AGAP3: variants seen among roughly 807,000 people sequenced by gnomAD.
AGAP3 encodes the protein arf-GAP with GTPase, ANK repeat and PH domain-containing protein 3.
In AGAP3, 24 loss-of-function variants were observed where a neutral mutation model predicts 96.9. The ratio of observed to expected loss-of-function variants is 0.25; its 90% CI spans 0.18 to 0.35. AGAP3 has a LOEUF of 0.35. AGAP3 is among the 10% of genes least tolerant of loss of function. AGAP3 has a pLI of 1.00. For synonymous variants in AGAP3, 563 were observed against 536.1 expected (o/e 1.05, Z -0.69); for missense variants, 876 against 1,254.2 (o/e 0.70, Z 4.55).
rs201520383 is a variant in AGAP3 at position 151,142,243 on chromosome 7, C to T, written c.2040C>T (p.Cys680=). 5.7e-4 allele frequency: 914 copies of T among 1,612,946 alleles called. No homozygotes were observed. The highest frequency in any genetic ancestry group is 6.9e-4 in the Non-Finnish European group (820 of 1,179,908). Residue 680 remains cysteine, a synonymous_variant, in exon 15 of 18, where the codon TGC becomes TGT. Transcript: ENST00000397238. This position sits in a 1 kb window ranked among gnomAD's most constrained non-coding sequence, Gnocchi z 7.5. ...TVRGNSFCID[C]DAPNPDWASL... The stretch of plus-strand genomic sequence containing the variant: ...GCGGCAACAGCTTTTGTATCGACTG[C>T]GATGCACCCAGTGAGTGCAAGGCTG...
intron 1 of AGAP3, among the ~76,000 whole-genome samples, chr7:151,089,057 C>CCCTGCTGCCCTGCTGT (rs1798273984): frequency 6.6e-6 from 1 of 152,104 alleles, no homozygotes; most frequent in African/African-American, 2.4e-5. Context: ...TGCCCTGCTG[C>CCCTGCTGCCCTGCTGT]CCTGCTGTCC....
chr7:151,135,529 A>G (rs535892878), intron 11 of AGAP3, among the ~76,000 whole-genome samples: 12 of 152,308 alleles, frequency 7.9e-5, no homozygotes, highest in Admixed American at 7.8e-4. Context: ...GAATTGTCCC[A>G]CTCACAAGGC....
intron 1 of AGAP3, among the ~76,000 whole-genome samples, chr7:151,100,203 C>T (rs2150420648): frequency 6.6e-6 from 1 of 152,332 alleles, no homozygotes; most frequent in Non-Finnish European, 1.5e-5. Flanking sequence ...GGATTTCGTG[C>T]TCCCCCAGCT....
chr7:151,104,110 G>T (rs796376604), intron 1 of AGAP3, among the ~76,000 whole-genome samples: 9 of 152,210 alleles, frequency 5.9e-5, no homozygotes, highest in African/African-American at 2.2e-4. Context: ...GAAATAAACT[G>T]CCCCGCACAA....
chr7:151,089,428 G>GTGTT (rs1436781980), intron 1 of AGAP3, among the ~76,000 whole-genome samples: 2 of 152,184 alleles, frequency 1.3e-5, no homozygotes, highest in East Asian at 3.9e-4. Flanking sequence ...GCCGGGTCCT[G>GTGTT]TGTTTCCTGG....
intron 1 of AGAP3, 192 bp downstream of exon 1, chr7:151,087,264 C>T: frequency 1.6e-6 from 1 of 639,832 alleles, no homozygotes; most frequent in South Asian, 1.9e-5. Flanking sequence ...TTCGGGGACA[C>T]TTTGGGGTTG....
rs1236703166 is a variant in AGAP3 at position 151,144,183 on chromosome 7, C to T, written c.*240C>T. 3 of 545,634 alleles carry T rather than the reference C, an allele frequency of 5.5e-6. No homozygotes were observed. The highest frequency in any genetic ancestry group is 3.8e-5 in the African/African-American group (2 of 52,800). The allele number at this position is 545,634 out of a possible 1,614,324, so 33.8% of individuals were successfully genotyped here. A position where few individuals can be genotyped will look rare whatever the true frequency, so the allele number is the denominator to read the frequency against. On this transcript the variant is annotated 3_prime_UTR_variant, in exon 18 of 18. Coordinates refer to ENST00000397238, the MANE Select transcript of AGAP3 (RefSeq NM_031946.7). ...GGTGCCATTGAAAAGGGACAGGACCCTTCGGAGGTGCCTGTGAGGAGAGGG... is the reference window on the plus strand; with the variant it reads ...GGTGCCATTGAAAAGGGACAGGACCTTTCGGAGGTGCCTGTGAGGAGAGGG...
At chr7:151,105,341 A>G (rs1257111189) in intron 1 of AGAP3, among the ~76,000 whole-genome samples, 1 of 152,230 alleles carries the variant, frequency 6.6e-6, no homozygotes, top group Non-Finnish European at 1.5e-5. Flanking sequence ...GTCACCAGTA[A>G]TTCTAACCAG....
At chr7:151,126,927 G>T (rs1020806526) in intron 9 of AGAP3, among the ~76,000 whole-genome samples, 1 of 152,234 alleles carries the variant, frequency 6.6e-6, no homozygotes, top group Non-Finnish European at 1.5e-5. Flanking sequence ...CTCCCAGCCC[G>T]CATGCTCGCA....
At chr7:151,101,332 G>A (rs1028987562) in intron 1 of AGAP3, among the ~76,000 whole-genome samples, 2 of 152,248 alleles carry the variant, frequency 1.3e-5, no homozygotes, top group Non-Finnish European at 2.9e-5. Flanking sequence ...GGAGGGGACA[G>A]GCCATTATGG....
At chr7:151,135,423 A>C (rs1800554907) in intron 11 of AGAP3, among the ~76,000 whole-genome samples, 1 of 152,218 alleles carries the variant, frequency 6.6e-6, no homozygotes, top group Non-Finnish European at 1.5e-5. Flanking sequence ...TGTGCTTGTC[A>C]CAGTGAGGGG....
intron 1 of AGAP3, among the ~76,000 whole-genome samples, chr7:151,102,672 A>G (rs1324846568): frequency 4.6e-5 from 7 of 151,422 alleles, no homozygotes; most frequent in East Asian, 1.9e-4. Context: ...GCGCAGTGTC[A>G]TGGTGTGATC....
Position 151,114,806 on chromosome 7 carries a change from C to G in AGAP3, c.332-1987C>G, listed in dbSNP as rs1799464994. On this transcript the variant is annotated intron_variant, in intron 1 of 17. Coordinates refer to ENST00000397238, the MANE Select transcript of AGAP3 (RefSeq NM_031946.7). The surrounding 1 kb of genome is among the most constrained non-coding windows in gnomAD (Gnocchi z 4.4). ...GCTGGCCGCAGGGGGACAGCTGTCC[C>G]GGGGAGCGGCCCGCCGCTTGCCGCC... 1 of 1,055,732 alleles carries G rather than the reference C, an allele frequency of 9.5e-7. No homozygotes were observed. The allele number at this position is 1,055,732 out of a possible 1,614,324, so 65.4% of individuals were successfully genotyped here. A position where few individuals can be genotyped will look rare whatever the true frequency, so the allele number is the denominator to read the frequency against.
intron 1 of AGAP3, among the ~76,000 whole-genome samples, chr7:151,087,425 G>GCTGCCCGGGCCCTGCTCCGCTGC (rs1798204775): frequency 6.6e-6 from 1 of 152,174 alleles, no homozygotes; most frequent in Non-Finnish European, 1.5e-5. Flanking sequence ...AGGCTTCTTA[G>GCTGCCCGGGCCCTGCTCCGCTGC]CCGCTGCCCG....
intron 1 of AGAP3, among the ~76,000 whole-genome samples, chr7:151,093,201 G>C (rs1458062712): frequency 6.6e-6 from 1 of 152,202 alleles, no homozygotes; most frequent in Non-Finnish European, 1.5e-5. Flanking sequence ...CAGTGCAGTG[G>C]TGCAGTCCTA....
chr7:151,094,186 C>T (rs957042124), intron 1 of AGAP3, among the ~76,000 whole-genome samples: 1 of 151,982 alleles, frequency 6.6e-6, no homozygotes, highest in African/African-American at 2.4e-5. Context: ...TAGAACAGTG[C>T]CTAGCGTGTC....
At chr7:151,128,313 C>T in intron 9 of AGAP3, 1 of 468,094 alleles carries the variant, frequency 2.1e-6, no homozygotes, top group Non-Finnish European at 3.9e-6. Flanking sequence ...GAGGTGGCTC[C>T]ACACACTGGG....
chr7:151,116,674 G>A, intron 1 of AGAP3, 119 bp from the exon 2 acceptor site: 1 of 1,130,652 alleles, frequency 8.8e-7, no homozygotes, highest in Non-Finnish European at 1.3e-6. Flanking sequence ...GTCCCGTGGA[G>A]GAAGCTGCTG....
chr7:151,091,908 G>A (rs937280410), intron 1 of AGAP3, among the ~76,000 whole-genome samples: 2 of 152,144 alleles, frequency 1.3e-5, no homozygotes, highest in African/African-American at 4.8e-5. Flanking sequence ...CCCACATAGA[G>A]GAAACAGGAT....
Sources: gnomAD v4.1 joint callset for allele counts (sites outside exome capture counted in the v4.1 genomes callset) on GRCh38, gnomAD v4.1.1 for gene constraint, Gnocchi (gnomAD v3.1) non-coding constraint, MANE v1.5 for transcripts, NCBI Gene and HGNC (gene_info 2026-07-23, HGNC 2026-07-21) for gene names.